The following ACBD6 variants were observed in gnomAD, a reference collection of about 807,000 sequenced individuals.
ACBD6 encodes acyl-CoA-binding domain-containing protein 6.
A neutral mutation model predicts 37.2 loss-of-function variants in ACBD6; 28 were observed. That is an observed-to-expected ratio of 0.75 (90% CI 0.56 to 1.03). ACBD6 has a LOEUF of 1.03. Ranked by LOEUF, ACBD6 falls within the 50% of genes least tolerant of loss-of-function variation. The pLI is 0.00. For missense variants in ACBD6, 340 were observed against 337.4 expected (o/e 1.01, Z -0.06); for synonymous variants, 113 against 126.8 (o/e 0.89, Z 0.73).
intron 6 of ACBD6, among the ~76,000 whole-genome samples, chr1:180,318,587 T>G (rs1650927089): frequency 6.6e-6 from 1 of 152,196 alleles, no homozygotes; most frequent in Non-Finnish European, 1.5e-5. Flanking sequence ...ATTATCAGCT[T>G]AAGATCACTT....
At chr1:180,473,291 C>A (rs1650641570) in intron 3 of ACBD6, among the ~76,000 whole-genome samples, 2 of 151,434 alleles carry the variant, frequency 1.3e-5, no homozygotes, top group African/African-American at 2.4e-5. Context: ...ACTAAAAATA[C>A]AAAAAATTAG....
In ACBD6 at chr1:180,271,674, T is replaced by C; in HGVS notation, c.*1551A>G. The C allele has an allele frequency of 6.8e-6, 9 of 1,327,016 alleles. No individual in the cohort carries two copies. In the East Asian group the frequency reaches 1.2e-4, roughly 17 times the overall value. 82.2% of individuals were successfully genotyped at this position (1,327,016 alleles called of 1,614,324 possible). ...CTTTTGCCAGAACTGAAGACAGAGT[T>C]CTGAGGCCCACCTGGGGAGAGGGGG... is the stretch of plus-strand genomic sequence containing the variant. On this transcript the variant is annotated 3_prime_UTR_variant, in exon 14 of 14. Transcript: ENST00000642319.
intron 7 of ACBD6, among the ~76,000 whole-genome samples, chr1:180,302,052 T>C (rs1170191586): frequency 6.8e-6 from 1 of 146,344 alleles, no homozygotes; most frequent in South Asian, 2.3e-4. Flanking sequence ...GGGGGGAGGG[T>C]GGAGGGATAG....
chr1:180,368,145 T>C (rs1173184121), intron 6 of ACBD6, among the ~76,000 whole-genome samples: 2 of 152,216 alleles, frequency 1.3e-5, no homozygotes, highest in African/African-American at 4.8e-5. Context: ...ATCAGTGATA[T>C]TGACCTTTTT....
chr1:180,412,109 CA>C (rs57171524), intron 5 of ACBD6, among the ~76,000 whole-genome samples: 21,731 of 112,064 alleles, frequency 0.19, 1,551 homozygotes, highest in Middle Eastern at 0.29. Flanking sequence ...TTCTGAAAGG[CA>C]AAAAAAAAAA....
chr1:180,311,504 C>T (rs757733073), intron 7 of ACBD6, among the ~76,000 whole-genome samples: 10 of 152,166 alleles, frequency 6.6e-5, no homozygotes, highest in Non-Finnish European at 1.0e-4. Context: ...GTGGCATAAT[C>T]ATGACTCACT....
chr1:180,303,060 G>A (rs1422978028), intron 7 of ACBD6, among the ~76,000 whole-genome samples: 3 of 151,898 alleles, frequency 2.0e-5, no homozygotes, highest in Non-Finnish European at 4.4e-5. Context: ...AAACCAATGA[G>A]AACAAAGACA....
intron 6 of ACBD6, among the ~76,000 whole-genome samples, chr1:180,361,366 C>A (rs934267398): frequency 6.7e-6 from 1 of 148,740 alleles, no homozygotes; most frequent in Non-Finnish European, 1.5e-5. Context: ...GAGCAGAGAA[C>A]TAGACCTCAG....
In ACBD6 at chr1:180,444,794, G is replaced by A. The variant is rs375293533; in HGVS notation, c.385-14532C>T. Among the ~76,000 whole-genome samples, 35 of 152,300 alleles carry A rather than the reference G, an allele frequency of 2.3e-4. 1 individual carries two copies. The East Asian group carries it at 5.4e-3, about 23-fold the overall frequency. On this transcript the variant is annotated intron_variant, in intron 3 of 7. Transcript: ENST00000367595. The stretch of plus-strand genomic sequence containing the variant: ...CATTGCCTGAGACTCTATTAGTTGA[G>A]AAACTAAAATGCTCCTTCACTCAAA...
chr1:180,353,197 C>T (rs1051407982), intron 6 of ACBD6, among the ~76,000 whole-genome samples: 16 of 152,270 alleles, frequency 1.1e-4, no homozygotes, highest in Non-Finnish European at 8.8e-5. Context: ...AAAAGGTAGA[C>T]ACTAAATATC....
chr1:180,387,283 A>C (rs915388137), intron 6 of ACBD6, among the ~76,000 whole-genome samples: 1 of 152,162 alleles, frequency 6.6e-6, no homozygotes, highest in Non-Finnish European at 1.5e-5. Flanking sequence ...ACAAGTTTAA[A>C]GCATTGCTTT....
At position 180,347,369 on chromosome 1, in the gene ACBD6, T is replaced by G. The variant is rs1652227105; in HGVS notation, c.664-32647A>C. Among the ~76,000 whole-genome samples, 2 of 149,842 alleles carry G rather than the reference T, an allele frequency of 1.3e-5. 1 individual carries two copies. The highest frequency in any genetic ancestry group is 4.3e-4 in the South Asian group (2 of 4,604). On this transcript the variant is annotated intron_variant, in intron 6 of 7. Coordinates refer to ENST00000367595, the MANE Select transcript of ACBD6 (RefSeq NM_032360.4). ...AATTTTTCAACAGAAAGTTTTTTTT[T>G]TTTTTTTTTTTTTGAGACAGAGTCA...
At chr1:180,426,419 A>G (rs976667470) in intron 4 of ACBD6, among the ~76,000 whole-genome samples, 1 of 152,200 alleles carries the variant, frequency 6.6e-6, no homozygotes, top group Non-Finnish European at 1.5e-5. Context: ...TATGTAGTGC[A>G]GAATCATCTT....
At position 180,307,266 on chromosome 1, in the gene ACBD6, C is replaced by G. The variant is rs186796804; in HGVS notation, c.694+7426G>C. On this transcript the variant is annotated intron_variant, in intron 7 of 7. Transcript: ENST00000367595. ...AATATGCCAGGCACAGAAAGGCAAA[C>G]TTCACATATTCTCACTTATTTGTGG... 9.2e-5 allele frequency among the ~76,000 whole-genome samples: 14 copies of G among 152,268 alleles called. No individual in the cohort carries two copies. In the East Asian group the frequency reaches 2.5e-3, roughly 27 times the overall value.
intron 3 of ACBD6, among the ~76,000 whole-genome samples, chr1:180,446,462 A>C (rs1053339076): frequency 7.9e-5 from 12 of 152,198 alleles, no homozygotes; most frequent in Non-Finnish European, 1.3e-4. Context: ...AAAGAGGAAC[A>C]CTTTTCTGAT....
At chr1:180,356,335 C>A (rs1056799526) in intron 6 of ACBD6, among the ~76,000 whole-genome samples, 4 of 151,806 alleles carry the variant, frequency 2.6e-5, no homozygotes, top group African/African-American at 9.7e-5. Context: ...CCATGCCCAG[C>A]TATTTTTTGT....
intron 7 of ACBD6, among the ~76,000 whole-genome samples, chr1:180,304,994 A>C (rs1028390071): frequency 5.9e-5 from 9 of 152,282 alleles, no homozygotes; most frequent in Non-Finnish European, 8.8e-5. Flanking sequence ...CAAAAACAAG[A>C]AATGGGGAAA....
intron 4 of ACBD6, among the ~76,000 whole-genome samples, chr1:180,429,058 C>G (rs1409591042): frequency 6.6e-6 from 1 of 152,132 alleles, no homozygotes; most frequent in African/African-American, 2.4e-5. Flanking sequence ...GTTTGGGGGC[C>G]TTCCTCAGAT....
chr1:180,418,619 T>TA (rs1008028582), intron 4 of ACBD6, among the ~76,000 whole-genome samples: 3 of 151,902 alleles, frequency 2.0e-5, no homozygotes, highest in Admixed American at 2.0e-4. Context: ...GCAAAATAGG[T>TA]AAAATCAAAT....
Sources: gnomAD v4.1 joint callset for allele counts (sites outside exome capture counted in the v4.1 genomes callset) on GRCh38, gnomAD v4.1.1 for gene constraint, MANE v1.5 for transcripts, NCBI Gene and HGNC (gene_info 2026-07-23, HGNC 2026-07-21) for gene names.